DCUN1D4: variants seen among roughly 807,000 people sequenced by gnomAD.
DCUN1D4 encodes the protein DCN1-like protein 4.
A neutral mutation model predicts 47.9 loss-of-function variants in DCUN1D4; 22 were observed. That is an observed-to-expected ratio of 0.46 (90% CI 0.33 to 0.66). The LOEUF (loss-of-function observed/expected upper bound fraction) is 0.66, where lower values mean the gene tolerates loss of function less well. Among genes scored for constraint, DCUN1D4 ranks in the 30% least tolerant of loss-of-function variants. The pLI, the probability that DCUN1D4 is intolerant of heterozygous loss-of-function variation, is 0.02. For synonymous variants in DCUN1D4, 121 were observed against 112.2 expected (o/e 1.08, Z -0.50); for missense variants, 301 against 340.8 (o/e 0.88, Z 0.92).
intron 8 of DCUN1D4, among the ~76,000 whole-genome samples, chr4:51,908,501 C>T (rs1341412077): frequency 6.6e-6 from 1 of 152,032 alleles, no homozygotes; most frequent in East Asian, 1.9e-4. Flanking sequence ...GCTCCATGAG[C>T]AGAGAGTCAC....
chr4:51,836,672 T>C, the DCUN1D4 span, among the ~76,000 whole-genome samples: 1 of 152,150 alleles, frequency 6.6e-6, no homozygotes, highest in Non-Finnish European at 1.5e-5. Flanking sequence ...TCTTCCCCAC[T>C]AGGACAGGAA....
chr4:51,840,516 A>G (rs1721602659), upstream of DCUN1D4, among the ~76,000 whole-genome samples: 1 of 152,232 alleles, frequency 6.6e-6, no homozygotes, highest in Non-Finnish European at 1.5e-5. Context: ...GACTCAGATT[A>G]AACATTTAAC....
chr4:51,895,426 T>C (rs1259715789), intron 7 of DCUN1D4, among the ~76,000 whole-genome samples: 1 of 151,702 alleles, frequency 6.6e-6, no homozygotes, highest in Admixed American at 6.6e-5. Context: ...ACGTGGGTGG[T>C]ATGAGAGTTT....
chr4:51,838,453 C>G (rs1234492704), upstream of DCUN1D4, among the ~76,000 whole-genome samples: 1 of 152,128 alleles, frequency 6.6e-6, no homozygotes, highest in East Asian at 1.9e-4. Flanking sequence ...GTGATCTCAG[C>G]TCACTGCAGC....
rs115334288 is a variant in DCUN1D4 at position 51,913,811 on chromosome 4, T to C, written c.*227T>C. On this transcript the variant is annotated 3_prime_UTR_variant, in exon 11 of 11. Coordinates refer to ENST00000334635, the MANE Select transcript of DCUN1D4 (RefSeq NM_001040402.3). ...TATTTACACTACAGATTGGTGAATT[T>C]GCCAACGTCCTCACTGTGATTATGT... The C allele has an allele frequency of 2.9e-3, 1,364 of 468,206 alleles. 4 individuals carry two copies. The highest frequency in any genetic ancestry group is 3.8e-3 in the Non-Finnish European group (1,010 of 264,442). The allele number at this position is 468,206 out of a possible 1,614,324, so 29.0% of individuals were successfully genotyped here.
intron 8 of DCUN1D4, among the ~76,000 whole-genome samples, chr4:51,901,703 A>G (rs1732149538): frequency 6.6e-6 from 1 of 152,076 alleles, no homozygotes; most frequent in African/African-American, 2.4e-5. Flanking sequence ...TGTCTCCTCT[A>G]CTTGGCTTTG....
At chr4:51,834,779 A>G in the DCUN1D4 span, among the ~76,000 whole-genome samples, 4 of 152,064 alleles carry the variant, frequency 2.6e-5, no homozygotes, top group Non-Finnish European at 4.4e-5. Context: ...GAGGCTCCCA[A>G]AGAGGATGTG....
the DCUN1D4 span, among the ~76,000 whole-genome samples, chr4:51,834,328 T>G: frequency 6.6e-6 from 1 of 151,446 alleles, no homozygotes; most frequent in Non-Finnish European, 1.5e-5. Context: ...TCCCTTGGGG[T>G]CTATACTTCG....
At chr4:51,887,339 A>T (rs576705990) in intron 6 of DCUN1D4, 5 of 279,716 alleles carry the variant, frequency 1.8e-5, no homozygotes, top group African/African-American at 1.2e-4. Flanking sequence ...TGACCTTGTG[A>T]TCTGCCCGGC....
chr4:51,875,808 C>T (rs1302910432), intron 4 of DCUN1D4, among the ~76,000 whole-genome samples: 1 of 152,170 alleles, frequency 6.6e-6, no homozygotes, highest in Non-Finnish European at 1.5e-5. Flanking sequence ...TTTTTATTTG[C>T]TGAATGGTAT....
At chr4:51,843,326 C>G in intron 1 of DCUN1D4, 59 bp downstream of exon 1, 5 of 1,486,952 alleles carry the variant, frequency 3.4e-6, no homozygotes, top group Non-Finnish European at 4.5e-6. Context: ...ACTCGCCACT[C>G]GGCTCCCGCA....
chr4:51,842,193 C>G (rs772522731), upstream of DCUN1D4, among the ~76,000 whole-genome samples: 41 of 152,266 alleles, frequency 2.7e-4, no homozygotes, highest in Admixed American at 1.2e-3. Context: ...TCTGGACGGC[C>G]TCTCCGCGGG....
chr4:51,842,269 G>A (rs1162513514), upstream of DCUN1D4, among the ~76,000 whole-genome samples: 1 of 152,072 alleles, frequency 6.6e-6, no homozygotes, highest in African/African-American at 2.4e-5. Flanking sequence ...CCCTGGACTC[G>A]TCCATGTGTT....
rs993307914 is a variant in DCUN1D4 at position 51,844,522 on chromosome 4, C to T, written c.25+1255C>T. 1.7e-5 allele frequency: 8 copies of T among 482,894 alleles called. No homozygotes were observed. In the Admixed American group the frequency reaches 3.2e-4, roughly 19 times the overall value. The allele number at this position is 482,894 out of a possible 1,614,324, so 29.9% of individuals were successfully genotyped here. A position where few individuals can be genotyped will look rare whatever the true frequency, so the allele number is the denominator to read the frequency against. On this transcript the variant is annotated intron_variant, in intron 1 of 10. Transcript: ENST00000334635. ...GATGGCCGGGTCGGGGGCTTGGCGC[C>T]GGGGAGGTGTCGGGGTCCCTGGCAG...
rs1295282460 is a variant in DCUN1D4 at position 51,915,032 on chromosome 4, A to G, written c.*1448A>G. The G allele has an allele frequency of 6.6e-6, 1 of 152,440 alleles. No homozygotes were observed. The highest frequency in any genetic ancestry group is 6.6e-5 in the Admixed American group (1 of 15,240). The allele number at this position is 152,440 out of a possible 1,614,324, so 9.4% of individuals were successfully genotyped here. ...GCAAGATCCGTGATTTGAACATGTG[A>G]TGACTGGAAAAAGGTTTGGGTTATT... On this transcript the variant is annotated 3_prime_UTR_variant, in exon 11 of 11. Transcript: ENST00000334635.
Position 51,913,302 on chromosome 4 carries a change from A to C in DCUN1D4, c.733A>C (p.Lys245Gln). Reference sequence around the variant, plus strand: ...TTCCCTCCATCAGCAATCAAAATACAAAGTTATTAATAAAGACCAGTGGTG... The same window carrying C: ...TTCCCTCCATCAGCAATCAAAATACCAAGTTATTAATAAAGACCAGTGGTG... ...FHQFLEQSKY[K>Q]VINKDQWCNV... The change falls in exon 10 of 11, where the codon AAA becomes CAA. Residue 245 changes from lysine (K) to glutamine (Q), a missense_variant. By Grantham distance (53) the Lys-to-Gln change is moderately conservative (BLOSUM62 1). This residue lies in a region of DCUN1D4 where 170 missense variants were observed against 234.5 expected (regional missense o/e 0.73). Transcript: ENST00000334635. 1 of 1,606,426 alleles carries C rather than the reference A, an allele frequency of 6.2e-7. No individual in the cohort carries two copies. Among genetic ancestry groups the C allele is most frequent in the Non-Finnish European group, 8.5e-7 (1 of 1,175,220 alleles).
chr4:51,849,511 G>A lies in DCUN1D4; in HGVS notation c.25+6244G>A, dbSNP rs573788335. 3.3e-5 allele frequency among the ~76,000 whole-genome samples: 5 copies of A among 152,286 alleles called. 1 individual carries two copies. Among genetic ancestry groups the A allele is most frequent in the Admixed American group, 1.3e-4 (2 of 15,300 alleles). On this transcript the variant is annotated intron_variant, in intron 1 of 10. Transcript: ENST00000334635. ...CTTGTCACTGTCGCTGGTCAGATAC[G>A]TGGTAGAAGCCCTTGTGAAGAGCAG...
chr4:51,844,749 G>A (rs1228507289), intron 1 of DCUN1D4: 10 of 840,272 alleles, frequency 1.2e-5, no homozygotes, highest in Non-Finnish European at 1.4e-5. Context: ...CAACGGGTAT[G>A]AAGGGGAAAG....
chr4:51,877,637 C>T lies in DCUN1D4; in HGVS notation c.252-126C>T, dbSNP rs1433392797. On this transcript the variant is annotated intron_variant, in intron 4 of 10. Coordinates refer to ENST00000334635, the MANE Select transcript of DCUN1D4 (RefSeq NM_001040402.3). The stretch of plus-strand genomic sequence containing the variant: ...AAGCCTGCAAATGCAGGAAATAAAA[C>T]GTTTAAAATATACTTAAAATACTGA... 2.2e-5 allele frequency: 14 copies of T among 624,040 alleles called. No individual in the cohort carries two copies. In the East Asian group the frequency reaches 2.5e-4, roughly 11 times the overall value. 38.7% of individuals were successfully genotyped at this position (624,040 alleles called of 1,614,324 possible).
Sources: allele counts gnomAD v4.1 joint callset (sites outside exome capture counted in the v4.1 genomes callset), GRCh38; gene constraint gnomAD v4.1.1; regional missense constraint gnomAD v4.1.1; transcripts MANE v1.5; gene names NCBI Gene and HGNC (gene_info 2026-07-23, HGNC 2026-07-21).